The following ERBB4 variants were observed in gnomAD, a reference collection of about 807,000 sequenced individuals.
ERBB4 encodes erb-b2 receptor tyrosine kinase 4, also known as receptor tyrosine-protein kinase erbB-4.
ERBB4 carries 42 observed loss-of-function variants against 158.0 expected under a neutral mutation model. The ratio of observed to expected loss-of-function variants is 0.27; its 90% confidence interval spans 0.21 to 0.34. The LOEUF is 0.34. ERBB4 is among the 10% of genes least tolerant of loss of function. The pLI, the probability that ERBB4 is intolerant of heterozygous loss-of-function variation, is 1.00. For missense variants in ERBB4, 1,333 were observed against 1,624.1 expected (o/e 0.82, Z 3.08); for synonymous variants, 583 against 558.7 (o/e 1.04, Z -0.61).
intron 1 of ERBB4, among the ~76,000 whole-genome samples, chr2:212,245,310 G>C (rs778738270): frequency 2.0e-5 from 3 of 152,084 alleles, no homozygotes; most frequent in African/African-American, 4.8e-5. Flanking sequence ...GTAAAATATT[G>C]ATCACATTGA....
Position 212,500,793 on chromosome 2 carries a change from C to T in ERBB4, c.82+37656G>A, listed in dbSNP as rs571428832. On this transcript the variant is annotated intron_variant, in intron 1 of 27. Transcript: ENST00000342788. ...TGCTTCACATACTACTACACATTTA[C>T]TCTCAGTGGAAGTAAAAGAGGAAAA... Among the ~76,000 whole-genome samples the T allele has an allele frequency of 2.0e-4, 31 of 152,126 alleles. No individual in the cohort carries two copies. In the South Asian group the frequency reaches 5.8e-3, roughly 29 times the overall value.
chr2:211,853,027 C>A (rs1438332963), intron 3 of ERBB4, among the ~76,000 whole-genome samples: 36 of 151,936 alleles, frequency 2.4e-4, no homozygotes, highest in Admixed American at 2.4e-3. Context: ...GGATCTAGTT[C>A]TGTCGATTTG....
intron 9 of ERBB4, among the ~76,000 whole-genome samples, chr2:211,706,203 T>C (rs1024396071): frequency 1.6e-4 from 25 of 152,182 alleles, no homozygotes; most frequent in Non-Finnish European, 2.9e-5. Flanking sequence ...AGATCAAAAC[T>C]TCTAAGAACA....
At chr2:211,700,416 G>A (rs2073190711) in intron 12 of ERBB4, among the ~76,000 whole-genome samples, 1 of 152,102 alleles carries the variant, frequency 6.6e-6, no homozygotes, top group Non-Finnish European at 1.5e-5. Flanking sequence ...ATTCTATGTG[G>A]AACATGAGAA....
rs955242727 is a variant in ERBB4, at chr2:211,486,387, C to T, written c.2488-55287G>A. Among the ~76,000 whole-genome samples, 15 of 152,180 alleles carry T rather than the reference C, an allele frequency of 9.9e-5. No homozygotes were observed. The East Asian group carries it at 2.7e-3, about 27-fold the overall frequency. ...CCTAAGGCATTCCTTTTAGTGACCT[C>T]ATTGTAAATTGATTCTAACACATTT... On this transcript the variant is annotated intron_variant, in intron 20 of 27. Coordinates refer to ENST00000342788, the MANE Select transcript of ERBB4 (RefSeq NM_005235.3).
chr2:212,164,556 G>A (rs1392488942), intron 1 of ERBB4, among the ~76,000 whole-genome samples: 1 of 151,752 alleles, frequency 6.6e-6, no homozygotes, highest in African/African-American at 2.4e-5. Flanking sequence ...AAGGGGGGAA[G>A]GAAAAAAGAT....
chr2:212,439,605 G>A (rs1262566844), intron 1 of ERBB4, among the ~76,000 whole-genome samples: 1 of 152,084 alleles, frequency 6.6e-6, no homozygotes, highest in Non-Finnish European at 1.5e-5. Flanking sequence ...CATTATTTCT[G>A]TAGGTATGAA....
At chr2:211,588,540 A>G (rs1224565489) in intron 19 of ERBB4, among the ~76,000 whole-genome samples, 2 of 152,268 alleles carry the variant, frequency 1.3e-5, no homozygotes, top group Admixed American at 6.5e-5. Flanking sequence ...AATTATTACT[A>G]TTGTAACTAC....
intron 1 of ERBB4, among the ~76,000 whole-genome samples, chr2:212,474,823 T>TTTTTTTTTTTC: frequency 1.6e-5 from 1 of 60,928 alleles, no homozygotes; most frequent in African/African-American, 1.1e-4. Context: ...CCGGCCATTC[T>TTTTTTTTTTTC]TTTTTTTTTT....
intron 3 of ERBB4, among the ~76,000 whole-genome samples, chr2:211,798,236 T>C (rs1479799177): frequency 6.6e-6 from 1 of 152,104 alleles, no homozygotes; most frequent in Non-Finnish European, 1.5e-5. Context: ...ATTAAATTCA[T>C]AGAAATAGAA....
At chr2:211,894,954 A>T (rs1294322063) in intron 3 of ERBB4, among the ~76,000 whole-genome samples, 1 of 151,924 alleles carries the variant, frequency 6.6e-6, no homozygotes, top group African/African-American at 2.4e-5. Context: ...AACCTCAGTT[A>T]ATTTGTTGCT....
chr2:211,746,757 G>A (rs368927607), intron 5 of ERBB4, among the ~76,000 whole-genome samples: 2 of 151,350 alleles, frequency 1.3e-5, no homozygotes, highest in African/African-American at 4.9e-5. Flanking sequence ...TTGAACCCGG[G>A]AGGCGGAGGT....
chr2:211,793,818 A>G (rs2076326967), intron 3 of ERBB4, among the ~76,000 whole-genome samples: 1 of 151,910 alleles, frequency 6.6e-6, no homozygotes, highest in East Asian at 1.9e-4. Flanking sequence ...ATAAGCTGAG[A>G]CTCAAAAGGC....
intron 1 of ERBB4, among the ~76,000 whole-genome samples, chr2:212,323,318 TGAAAATTA>T (rs1190321443): frequency 7.3e-5 from 11 of 150,664 alleles, no homozygotes; most frequent in African/African-American, 2.7e-4. Flanking sequence ...TTGCTTTTGA[TGAAAATTA>T]TTTTTCTAAT....
chr2:211,513,156 AAG>A (rs1559245149), intron 20 of ERBB4, among the ~76,000 whole-genome samples: 1 of 151,948 alleles, frequency 6.6e-6, no homozygotes, highest in Non-Finnish European at 1.5e-5. Flanking sequence ...AAAAAGGAAA[AAG>A]AGAACTGTCA....
At chr2:212,040,860 A>T (rs532106779) in intron 2 of ERBB4, among the ~76,000 whole-genome samples, 1 of 152,070 alleles carries the variant, frequency 6.6e-6, no homozygotes, top group East Asian at 1.9e-4. Flanking sequence ...TTGCGTATTT[A>T]ATTGCTTTCT....
chr2:211,994,870 C>T (rs116687105), intron 2 of ERBB4, among the ~76,000 whole-genome samples: 1 of 152,194 alleles, frequency 6.6e-6, no homozygotes, highest in South Asian at 2.1e-4. Flanking sequence ...CAAAAACACA[C>T]TCCCTAATGC....
At chr2:211,773,771 T>C (rs1349287690) in intron 4 of ERBB4, among the ~76,000 whole-genome samples, 1 of 149,842 alleles carries the variant, frequency 6.7e-6, no homozygotes, top group Non-Finnish European at 1.5e-5. Context: ...ATGTGAAGTA[T>C]ATATATAAAG....
At chr2:212,529,575 CAAAT>C (rs1692637073) in intron 1 of ERBB4, among the ~76,000 whole-genome samples, 1 of 152,076 alleles carries the variant, frequency 6.6e-6, no homozygotes, top group East Asian at 1.9e-4. Flanking sequence ...GGTTTAATTA[CAAAT>C]AATAACCATT....
Sources: gnomAD v4.1 joint callset for allele counts (sites outside exome capture counted in the v4.1 genomes callset) on GRCh38, gnomAD v4.1.1 for gene constraint, MANE v1.5 for transcripts, NCBI Gene and HGNC (gene_info 2026-07-23, HGNC 2026-07-21) for gene names.